Variants in PSEN1 observed in about 807,000 individuals in gnomAD.
The protein encoded by PSEN1 is presenilin 1, also known as presenilin-1.
Under a neutral mutation model 53.5 loss-of-function variants are expected in PSEN1, and 15 were observed. That is an observed-to-expected ratio of 0.28 (90% CI 0.19 to 0.43). PSEN1 has a LOEUF of 0.43. Among genes scored for constraint, PSEN1 ranks in the 20% least tolerant of loss-of-function variants. The pLI is 1.00. For synonymous variants in PSEN1, 208 were observed against 209.8 expected, an observed-to-expected ratio of 0.99 and a Z score of 0.08; for missense variants, 387 against 571.2, an observed-to-expected ratio of 0.68 and a Z score of 3.29.
chr14:73,149,936 T>C (rs1897170947), intron 3 of PSEN1, among the ~76,000 whole-genome samples: 1 of 152,250 alleles, frequency 6.6e-6, no homozygotes, highest in African/African-American at 2.4e-5. Flanking sequence ...CGAGCTGCTA[T>C]AGCCTGGAAA....
chr14:73,219,597 C>G lies in PSEN1; in HGVS notation c.*308C>G. On this transcript the variant is annotated 3_prime_UTR_variant, in exon 12 of 12. Coordinates refer to ENST00000324501, the MANE Select transcript of PSEN1 (RefSeq NM_000021.4). ...GGAAGTTGCTGTGCCCCATCAGCAG[C>G]TTGACGCGTGGTCACAGGACGATTT... is the stretch of plus-strand genomic sequence containing the variant. 1 of 399,792 alleles carries G rather than the reference C, an allele frequency of 2.5e-6. No individual in the cohort carries two copies. Among genetic ancestry groups the G allele is most frequent in the South Asian group, 2.2e-5 (1 of 44,492 alleles). 24.8% of individuals were successfully genotyped at this position (399,792 alleles called of 1,614,324 possible).
chr14:73,184,113 C>T (rs1444506545), intron 5 of PSEN1, among the ~76,000 whole-genome samples: 1 of 125,200 alleles, frequency 8.0e-6, no homozygotes, highest in Non-Finnish European at 1.7e-5. Context: ...CTGACCCCCC[C>T]CCACCTCCCT....
At chr14:73,175,204 G>A (rs1428666271) in intron 5 of PSEN1, among the ~76,000 whole-genome samples, 2 of 152,126 alleles carry the variant, frequency 1.3e-5, no homozygotes, top group Non-Finnish European at 2.9e-5. Flanking sequence ...TTGGCTCACT[G>A]CAAGCTGTGC....
chr14:73,164,502 C>A (rs1017358332), intron 3 of PSEN1, among the ~76,000 whole-genome samples: 1 of 152,178 alleles, frequency 6.6e-6, no homozygotes, highest in East Asian at 1.9e-4. Context: ...CCGTGAGATA[C>A]GTCTTTGAAG....
intron 11 of PSEN1, among the ~76,000 whole-genome samples, chr14:73,218,521 T>C (rs1202955795): frequency 1.3e-5 from 2 of 152,222 alleles, no homozygotes; most frequent in Admixed American, 6.5e-5. Context: ...TTATATGGCT[T>C]GTACATGTGT....
At chr14:73,207,659 C>T (rs1003971266) in intron 9 of PSEN1, among the ~76,000 whole-genome samples, 2 of 152,254 alleles carry the variant, frequency 1.3e-5, no homozygotes, top group South Asian at 2.1e-4. Flanking sequence ...TGTGACTTTG[C>T]TAGCCAGAAA....
intron 1 of PSEN1, among the ~76,000 whole-genome samples, chr14:73,144,102 G>A (rs539886832): frequency 1.7e-4 from 23 of 133,048 alleles, no homozygotes; most frequent in African/African-American, 4.5e-4. Flanking sequence ...ATGCAGTGGC[G>A]TAATCTCAGC....
chr14:73,216,803 C>T (rs2140144602), intron 10 of PSEN1, among the ~76,000 whole-genome samples: 1 of 151,966 alleles, frequency 6.6e-6, no homozygotes, highest in East Asian at 1.9e-4. Flanking sequence ...TGATGCCTAT[C>T]TCAGAATTCT....
At chr14:73,191,396 TA>T (rs1197178238) in intron 6 of PSEN1, among the ~76,000 whole-genome samples, 1 of 151,802 alleles carries the variant, frequency 6.6e-6, no homozygotes, top group Non-Finnish European at 1.5e-5. Context: ...TGTGTATGTA[TA>T]AGTGTGTGTG....
intron 3 of PSEN1, among the ~76,000 whole-genome samples, chr14:73,162,709 A>G (rs1897590190): frequency 1.3e-5 from 2 of 152,126 alleles, no homozygotes; most frequent in Non-Finnish European, 2.9e-5. Flanking sequence ...AAAAATCTCT[A>G]AGATACATAG....
At chr14:73,155,142 C>T (rs1332791083) in intron 3 of PSEN1, among the ~76,000 whole-genome samples, 1 of 152,178 alleles carries the variant, frequency 6.6e-6, no homozygotes, top group African/African-American at 2.4e-5. Flanking sequence ...GAGAATGTGG[C>T]AGTAATCTCA....
rs983017216 is a variant in PSEN1, at chr14:73,173,814, C to G, written c.480+107C>G. ...TAGGAAAGAAAAAATGTTTTGTCTT[C>G]TAGAGATAAGTTAATTTTTAGTTTT... is the stretch of plus-strand genomic sequence containing the variant. On this transcript the variant is annotated intron_variant, in intron 5 of 11. Transcript: ENST00000324501. 3 of 1,327,552 alleles carry G rather than the reference C, an allele frequency of 2.3e-6. No individual in the cohort carries two copies. In the African/African-American group the frequency reaches 4.3e-5, roughly 19 times the overall value. The allele number at this position is 1,327,552 out of a possible 1,614,324, so 82.2% of individuals were successfully genotyped here.
Position 73,143,130 on chromosome 14 carries a change from A to G in PSEN1, c.-135-4665A>G, listed in dbSNP as rs114229922. ...CAGTGGGGTCATTGACCGCCATGCA[A>G]TCCTCAATTGTTTTCAGCTGATACT... On this transcript the variant is annotated intron_variant, in intron 1 of 11. Transcript: ENST00000324501. 5.2e-3 allele frequency among the ~76,000 whole-genome samples: 791 copies of G among 152,196 alleles called. 4 individuals carry two copies. The highest frequency in any genetic ancestry group is 0.018 in the African/African-American group (766 of 41,516).
intron 8 of PSEN1, among the ~76,000 whole-genome samples, chr14:73,199,224 G>GT (rs760324444): frequency 5.9e-5 from 9 of 152,184 alleles, no homozygotes; most frequent in Non-Finnish European, 1.3e-4. Context: ...GTTGATATTT[G>GT]AGATAGAGAC....
At chr14:73,178,105 A>G (rs1898097147) in intron 5 of PSEN1, among the ~76,000 whole-genome samples, 1 of 150,256 alleles carries the variant, frequency 6.7e-6, no homozygotes, top group Non-Finnish European at 1.5e-5. Context: ...TTTTTAGTAG[A>G]GACGGGGTTT....
intron 1 of PSEN1, among the ~76,000 whole-genome samples, chr14:73,144,567 A>C (rs1897017559): frequency 6.6e-6 from 1 of 152,198 alleles, no homozygotes; most frequent in African/African-American, 2.4e-5. Context: ...GAGGCAATAT[A>C]GTGTACTCTG....
intron 3 of PSEN1, among the ~76,000 whole-genome samples, chr14:73,151,613 T>C (rs1897225656): frequency 6.6e-6 from 1 of 152,092 alleles, no homozygotes; most frequent in Non-Finnish European, 1.5e-5. Context: ...TGGAGTGCAG[T>C]GGTGCAATCT....
intron 1 of PSEN1, among the ~76,000 whole-genome samples, chr14:73,141,486 A>T (rs1244444612): frequency 9.9e-5 from 15 of 152,100 alleles, no homozygotes; most frequent in Admixed American, 3.3e-4. Context: ...TAGTTTAAAA[A>T]TTTTTTTTAT....
chr14:73,165,460 T>G (rs1897681990), intron 3 of PSEN1, among the ~76,000 whole-genome samples: 1 of 151,936 alleles, frequency 6.6e-6, no homozygotes. Context: ...GAAGGTAGTG[T>G]CTGGGCTGGG....
Sources: allele counts gnomAD v4.1 joint callset (sites outside exome capture counted in the v4.1 genomes callset), GRCh38; gene constraint gnomAD v4.1.1; transcripts MANE v1.5; gene names NCBI Gene and HGNC (gene_info 2026-07-23, HGNC 2026-07-21).